The following CFAP299 variants were observed in gnomAD, a reference collection of about 807,000 sequenced individuals.
CFAP299 encodes cilia and flagella associated protein 299.
A neutral mutation model predicts 27.0 loss-of-function variants in CFAP299; 21 were observed. The ratio of observed to expected loss-of-function variants is 0.78; its 90% CI spans 0.55 to 1.12. The LOEUF is 1.12. Among genes scored for constraint, CFAP299 ranks in the 50% most tolerant of loss-of-function variants. The pLI is 0.00. For missense variants in CFAP299, 310 were observed against 276.6 expected (o/e 1.12, Z -0.86); for synonymous variants, 104 against 98.1 (o/e 1.06, Z -0.36).
At chr4:80,659,656 G>T (rs2109979574) in intron 3 of CFAP299, among the ~76,000 whole-genome samples, 1 of 152,074 alleles carries the variant, frequency 6.6e-6, no homozygotes, top group African/African-American at 2.4e-5. Flanking sequence ...GAGGATGAGG[G>T]TTAACCAGAT....
At chr4:80,395,874 T>C (rs941938460) in intron 2 of CFAP299, among the ~76,000 whole-genome samples, 3 of 152,188 alleles carry the variant, frequency 2.0e-5, no homozygotes, top group Non-Finnish European at 2.9e-5. Context: ...CAGTTACTGG[T>C]GACTGCATTA....
intron 2 of CFAP299, among the ~76,000 whole-genome samples, chr4:80,370,623 T>TCTGAAACCCAGCAGGGCAGTCATTAAACC (rs1724096347): frequency 2.0e-5 from 3 of 152,292 alleles, no homozygotes; most frequent in African/African-American, 7.2e-5. Context: ...CCCAGGCAAG[T>TCTGAAACCCAGCAGGGCAGTCATTAAACC]CTGAAACCCA....
intron 3 of CFAP299, among the ~76,000 whole-genome samples, chr4:80,736,773 G>C (rs1295188327): frequency 2.6e-5 from 4 of 152,148 alleles, no homozygotes; most frequent in African/African-American, 9.7e-5. Context: ...CAGGGATCTA[G>C]AACTAGAAAT....
intron 2 of CFAP299, among the ~76,000 whole-genome samples, chr4:80,533,273 G>C (rs1733562828): frequency 6.6e-6 from 1 of 152,186 alleles, no homozygotes; most frequent in African/African-American, 2.4e-5. Context: ...GCTGTCAGTA[G>C]TTACCTGGCT....
In CFAP299 at chr4:80,931,536, C is replaced by G. The variant is rs184175344; in HGVS notation, c.477-13274C>G. On this transcript the variant is annotated intron_variant, in intron 4 of 5. Coordinates refer to ENST00000358105, the MANE Select transcript of CFAP299 (RefSeq NM_152770.3). ...GAAGCAGGCCATGTCTCACTCAGGT[C>G]TTAACCCTGGTACTTGCACAAGCAA... 4.1e-3 allele frequency among the ~76,000 whole-genome samples: 617 copies of G among 152,252 alleles called. 1 individual carries two copies. The highest frequency in any genetic ancestry group is 0.014 in the Middle Eastern group (4 of 294).
chr4:80,651,933 G>A (rs981094659), intron 3 of CFAP299, among the ~76,000 whole-genome samples: 5 of 151,858 alleles, frequency 3.3e-5, no homozygotes, highest in Admixed American at 6.6e-5. Context: ...AATGTCTTGC[G>A]GTTAATTATT....
At chr4:80,348,283 A>G (rs1902858) in intron 1 of CFAP299, among the ~76,000 whole-genome samples, 5,696 of 152,290 alleles carry the variant, frequency 0.037, 214 homozygotes, top group African/African-American at 0.092. Context: ...CAGCAAAAGC[A>G]AAAATTGACA....
At chr4:80,709,801 T>C (rs182553712) in intron 3 of CFAP299, among the ~76,000 whole-genome samples, 136 of 152,284 alleles carry the variant, frequency 8.9e-4, no homozygotes, top group African/African-American at 3.1e-3. Flanking sequence ...ACAAAGCATA[T>C]CTGAGGAAAG....
chr4:80,840,140 A>G (rs1050204691), intron 3 of CFAP299, among the ~76,000 whole-genome samples: 1 of 152,172 alleles, frequency 6.6e-6, no homozygotes, highest in South Asian at 2.1e-4. Flanking sequence ...TATGAAAAAT[A>G]TATGAATTTT....
intron 3 of CFAP299, among the ~76,000 whole-genome samples, chr4:80,799,648 ATTT>A (rs1246430768): frequency 5.1e-5 from 1 of 19,650 alleles, no homozygotes; most frequent in Non-Finnish European, 7.7e-5. Context: ...TAAAATATAT[ATTT>A]TATATATTAT....
intron 2 of CFAP299, among the ~76,000 whole-genome samples, chr4:80,556,103 T>A (rs897769962): frequency 2.6e-5 from 4 of 152,102 alleles, no homozygotes; most frequent in Non-Finnish European, 5.9e-5. Flanking sequence ...GTGTATGCAA[T>A]CAACTCCTAT....
intron 3 of CFAP299, among the ~76,000 whole-genome samples, chr4:80,583,910 A>G (rs1175299669): frequency 6.6e-6 from 1 of 151,988 alleles, no homozygotes; most frequent in Non-Finnish European, 1.5e-5. Context: ...AGAGCAACAG[A>G]AAAATATGTA....
chr4:80,946,450 G>A (rs1253760435), intron 5 of CFAP299, among the ~76,000 whole-genome samples: 1 of 152,126 alleles, frequency 6.6e-6, no homozygotes, highest in African/African-American at 2.4e-5. Flanking sequence ...TTTCCAAAAA[G>A]CTACTGCACA....
intron 3 of CFAP299, among the ~76,000 whole-genome samples, chr4:80,865,136 G>A (rs1017472728): frequency 1.3e-5 from 2 of 151,918 alleles, no homozygotes; most frequent in African/African-American, 4.8e-5. Context: ...ATAAAATGAG[G>A]GTAATAATGC....
At chr4:80,886,424 C>T (rs563767006) in intron 4 of CFAP299, among the ~76,000 whole-genome samples, 19 of 152,316 alleles carry the variant, frequency 1.2e-4, no homozygotes, top group African/African-American at 4.3e-4. Flanking sequence ...CAGAGAGAAA[C>T]TTCATTTGTT....
intron 3 of CFAP299, among the ~76,000 whole-genome samples, chr4:80,598,004 A>G (rs1350604153): frequency 1.3e-5 from 2 of 152,200 alleles, no homozygotes; most frequent in African/African-American, 2.4e-5. Context: ...ACTATTTTGC[A>G]TATAGTGTGA....
chr4:80,734,422 T>C (rs962338667), intron 3 of CFAP299, among the ~76,000 whole-genome samples: 2 of 152,292 alleles, frequency 1.3e-5, no homozygotes, highest in African/African-American at 4.8e-5. Context: ...GGGTTGTCTC[T>C]TCACTTTGTT....
intron 3 of CFAP299, among the ~76,000 whole-genome samples, chr4:80,638,045 A>G (rs899926063): frequency 3.3e-5 from 5 of 152,318 alleles, no homozygotes; most frequent in Admixed American, 6.5e-5. Context: ...GCTACAGGAA[A>G]TCTTCAAGTG....
chr4:80,417,762 C>T (rs756404626), intron 2 of CFAP299, among the ~76,000 whole-genome samples: 18 of 152,134 alleles, frequency 1.2e-4, no homozygotes, highest in Non-Finnish European at 2.5e-4. Context: ...GCTTCCACAG[C>T]TGTCTCTGCT....
Sources: allele counts gnomAD v4.1 joint callset (sites outside exome capture counted in the v4.1 genomes callset), GRCh38; gene constraint gnomAD v4.1.1; transcripts MANE v1.5; gene names NCBI Gene and HGNC (gene_info 2026-07-23, HGNC 2026-07-21).